The following PPP1R14A variants were observed in gnomAD, a reference collection of about 807,000 sequenced individuals.
PPP1R14A encodes protein phosphatase 1 regulatory inhibitor subunit 14A, also known as protein phosphatase 1 regulatory subunit 14A.
Under a neutral mutation model 14.1 loss-of-function variants are expected in PPP1R14A, and 9 were observed. The ratio of observed to expected loss-of-function variants is 0.64; its 90% CI spans 0.38 to 1.11. PPP1R14A has a LOEUF of 1.11. Among genes scored for constraint, PPP1R14A ranks in the 50% most tolerant of loss-of-function variants. PPP1R14A has a pLI of 0.01. For missense variants in PPP1R14A, 208 were observed against 200.7 expected (o/e 1.04, Z -0.22); for synonymous variants, 93 against 88.7 (o/e 1.05, Z -0.27).
intron 1 of PPP1R14A, 32 bp from the exon 2 acceptor site, chr19:38,253,006 C>T (rs770898943): frequency 2.0e-6 from 3 of 1,514,172 alleles, no homozygotes; most frequent in East Asian, 4.5e-5. Flanking sequence ...TGCTTAGGAT[C>T]CCCTTCCCTC....
At position 38,251,337 on chromosome 19, in the gene PPP1R14A, G is replaced by A. The variant is rs1555713440; in HGVS notation, c.425C>T (p.Ala142Val). The change falls in exon 4 of 4, where the codon GCC (alanine) becomes GTC (valine). Residue 142 changes from alanine (A) to valine (V), a missense_variant. Physicochemically the swap from Ala to Val is moderately conservative, Grantham distance 64. Coordinates refer to ENST00000301242, the MANE Select transcript of PPP1R14A (RefSeq NM_033256.3). The part of the protein sequence containing the change: ...DGSLSPLQDR[A>V]RTAHP ...AGAGGGTCAGGGGTGAGCAGTCCGGGCCCGGTCCTGGAGGGGGCTGAGGCT... is the reference window on the plus strand; with the variant it reads ...AGAGGGTCAGGGGTGAGCAGTCCGGACCCGGTCCTGGAGGGGGCTGAGGCT... 6.6e-7 allele frequency: 1 copy of A among 1,525,928 alleles called. No individual in the cohort carries two copies. Among genetic ancestry groups the A allele is most frequent in the Non-Finnish European group, 8.7e-7 (1 of 1,149,154 alleles). The allele number at this position is 1,525,928 out of a possible 1,614,324, so 94.5% of individuals were successfully genotyped here.
chr19:38,253,122 A>C, intron 1 of PPP1R14A, 148 bp from the exon 2 acceptor site: 131 of 560,430 alleles, frequency 2.3e-4, no homozygotes, highest in East Asian at 5.9e-4. Flanking sequence ...CACTGCCAAG[A>C]CGGGACATCT....
Position 38,252,126 on chromosome 19 carries a change from G to A in PPP1R14A, c.315+180C>T. On this transcript the variant is annotated intron_variant, in intron 3 of 3. Transcript: ENST00000301242. This position sits in a 1 kb window ranked among gnomAD's most constrained non-coding sequence, Gnocchi z 4.1. ...AGCAGATGGGGGAGAGAGGGAGAGA[G>A]ACAAGTAGGAGGACAAAAGACACCC... 1.6e-6 allele frequency: 1 copy of A among 617,488 alleles called. No homozygotes were observed. Among genetic ancestry groups the A allele is most frequent in the Non-Finnish European group, 2.9e-6 (1 of 349,124 alleles). 38.3% of individuals were successfully genotyped at this position (617,488 alleles called of 1,614,324 possible).
chr19:38,252,155 G>A lies in PPP1R14A; in HGVS notation c.315+151C>T. On this transcript the variant is annotated intron_variant, in intron 3 of 3. Coordinates refer to ENST00000301242, the MANE Select transcript of PPP1R14A (RefSeq NM_033256.3). This position sits in a 1 kb window ranked among gnomAD's most constrained non-coding sequence, Gnocchi z 4.1. ...AGTAGGAGGACAAAAGACACCCCTG[G>A]AGACCAGAAAGAGCTGCGGAGGGCA... The A allele has an allele frequency of 1.5e-6, 1 of 685,942 alleles. No individual in the cohort carries two copies. The highest frequency in any genetic ancestry group is 2.6e-6 in the Non-Finnish European group (1 of 390,978). The allele number at this position is 685,942 out of a possible 1,614,324, so 42.5% of individuals were successfully genotyped here. A position where few individuals can be genotyped will look rare whatever the true frequency, so the allele number is the denominator to read the frequency against.
chr19:38,254,789 T>TTTTGTTTG (rs887209723), intron 1 of PPP1R14A, among the ~76,000 whole-genome samples: 35 of 152,090 alleles, frequency 2.3e-4, no homozygotes, highest in Non-Finnish European at 7.4e-5. Context: ...GCTTACAGTT[T>TTTTGTTTG]TTTGTTTGTT....
intron 1 of PPP1R14A, among the ~76,000 whole-genome samples, chr19:38,255,774 CCT>C (rs1365666195): frequency 1.3e-5 from 2 of 152,114 alleles, no homozygotes; most frequent in Non-Finnish European, 2.9e-5. Flanking sequence ...CTGTATCTCC[CCT>C]GTCACCATGT....
rs1305756281 is a variant in PPP1R14A, at chr19:38,252,635, C to T, written c.282+259G>A. Among the ~76,000 whole-genome samples, 1 of 152,118 alleles carries T rather than the reference C, an allele frequency of 6.6e-6. No individual in the cohort carries two copies. Among genetic ancestry groups the T allele is most frequent in the Non-Finnish European group, 1.5e-5 (1 of 68,030 alleles). ...GCTGCCAAACTGCCTGGGTTCGATG[C>T]CCAGCTCTGCTCCTTCTGAGCTGTG... On this transcript the variant is annotated intron_variant, in intron 2 of 3. Coordinates refer to ENST00000301242, the MANE Select transcript of PPP1R14A (RefSeq NM_033256.3). The surrounding 1 kb of genome is among the most constrained non-coding windows in gnomAD (Gnocchi z 4.1).
chr19:38,251,524 C>G, intron 3 of PPP1R14A, 78 bp from the exon 4 acceptor site: 1 of 1,385,502 alleles, frequency 7.2e-7, no homozygotes, highest in Non-Finnish European at 9.5e-7. Flanking sequence ...CAGTCCCTGA[C>G]CTGGGCGCCT....
In PPP1R14A at chr19:38,256,184, C is replaced by A. The variant is rs1216008372; in HGVS notation, c.156G>T (p.Val52=). The A allele has an allele frequency of 6.5e-7, 1 of 1,548,250 alleles. No homozygotes were observed. Among genetic ancestry groups the A allele is most frequent in the Non-Finnish European group, 8.7e-7 (1 of 1,151,044 alleles). The change falls in exon 1 of 4, where the codon GTG becomes GTT. Residue 52 remains valine (V), a synonymous_variant. Transcript: ENST00000301242. This position sits in a 1 kb window ranked among gnomAD's most constrained non-coding sequence, Gnocchi z 5.7. ...DRRELQRRLD[V]EKWIDGRLEE... is the part of the protein sequence containing the mutation. The stretch of plus-strand genomic sequence containing the variant: ...CCAGGCGCCCGTCGATCCACTTCTC[C>A]ACGTCCAGCCGCCGCTGCAGCTCCC...
In PPP1R14A at chr19:38,256,156, C is replaced by T; in HGVS notation, c.184G>A (p.Glu62Lys). 1 of 1,548,150 alleles carries T rather than the reference C, an allele frequency of 6.5e-7. No individual in the cohort carries two copies. Among genetic ancestry groups the T allele is most frequent in the South Asian group, 1.2e-5 (1 of 84,554 alleles). ...VEKWIDGRLE[E>K]LYRGMEADMP... ...GGGCTCACCATGCCGCGGTACAGCT[C>T]CTCCAGGCGCCCGTCGATCCACTTC... Residue 62 changes from glutamate (E) to lysine (K), a missense_variant, in exon 1 of 4, where the codon GAG becomes AAG. Transcript: ENST00000301242. This position sits in a 1 kb window ranked among gnomAD's most constrained non-coding sequence, Gnocchi z 5.7.
At position 38,256,215 on chromosome 19, in the gene PPP1R14A, T is replaced by C; in HGVS notation, c.125A>G (p.Asp42Gly). The C allele has an allele frequency of 6.4e-7, 1 of 1,555,594 alleles. No individual in the cohort carries two copies. The highest frequency in any genetic ancestry group is 8.7e-7 in the Non-Finnish European group (1 of 1,154,480). ...CAGCCGCCGCTGCAGCTCCCGCCGG[T>C]CATACTTGACGGTGACGCGCGCGTG... is the stretch of plus-strand genomic sequence containing the variant. The part of the protein sequence containing the change: ...KRHARVTVKY[D>G]RRELQRRLDV... The change falls in exon 1 of 4, where the codon GAC becomes GGC. Residue 42 changes from aspartate to glycine, a missense_variant. Coordinates refer to ENST00000301242, the MANE Select transcript of PPP1R14A (RefSeq NM_033256.3). The surrounding 1 kb of genome is among the most constrained non-coding windows in gnomAD (Gnocchi z 5.7).
intron 1 of PPP1R14A, among the ~76,000 whole-genome samples, chr19:38,255,051 T>C (rs1410307763): frequency 6.6e-6 from 1 of 152,242 alleles, no homozygotes; most frequent in Non-Finnish European, 1.5e-5. Context: ...CCCAAAGTGC[T>C]GGGATTACAG....
At chr19:38,254,818 A>C (rs1337738323) in intron 1 of PPP1R14A, among the ~76,000 whole-genome samples, 1 of 151,874 alleles carries the variant, frequency 6.6e-6, no homozygotes, top group Non-Finnish European at 1.5e-5. Flanking sequence ...TTTGAGACGG[A>C]GTTTCGCTCT....
At chr19:38,253,843 C>T (rs749435310) in intron 1 of PPP1R14A, among the ~76,000 whole-genome samples, 1 of 152,180 alleles carries the variant, frequency 6.6e-6, no homozygotes, top group Non-Finnish European at 1.5e-5. Flanking sequence ...ATGCCAAGGG[C>T]CTGGGGCTGG....
Position 38,252,891 on chromosome 19 carries a change from T to G in PPP1R14A, c.282+3A>C. On this transcript the variant is annotated splice_donor_region_variant and intron_variant, in intron 2 of 3. Coordinates refer to ENST00000301242, the MANE Select transcript of PPP1R14A (RefSeq NM_033256.3). The surrounding 1 kb of genome is among the most constrained non-coding windows in gnomAD (Gnocchi z 4.1). ...AGGCTGGGGGACACGTCCCCCCACC[T>G]ACCTGGATTTTCCGGCTTCTCTCCT... The G allele has an allele frequency of 6.2e-7, 1 of 1,611,022 alleles. No homozygotes were observed. The highest frequency in any genetic ancestry group is 8.5e-7 in the Non-Finnish European group (1 of 1,177,160).
At chr19:38,254,461 T>A (rs546270137) in intron 1 of PPP1R14A, among the ~76,000 whole-genome samples, 1 of 151,696 alleles carries the variant, frequency 6.6e-6, no homozygotes, top group South Asian at 2.1e-4. Context: ...CCTGCCACCA[T>A]GCCCGGCTAA....
chr19:38,252,107 T>G lies in PPP1R14A; in HGVS notation c.315+199A>C, dbSNP rs1045759519. The G allele has an allele frequency of 1.7e-6, 1 of 596,132 alleles. No individual in the cohort carries two copies. Among genetic ancestry groups the G allele is most frequent in the African/African-American group, 2.0e-5 (1 of 50,646 alleles). 36.9% of individuals were successfully genotyped at this position (596,132 alleles called of 1,614,324 possible). A position where few individuals can be genotyped will look rare whatever the true frequency, so the allele number is the denominator to read the frequency against. ...GACAGAATGGAGCCCCCTCAGCAGA[T>G]GGGGGAGAGAGGGAGAGAGACAAGT... is the stretch of plus-strand genomic sequence containing the variant. On this transcript the variant is annotated intron_variant, in intron 3 of 3. Transcript: ENST00000301242. The surrounding 1 kb of genome is among the most constrained non-coding windows in gnomAD (Gnocchi z 4.1).
chr19:38,252,848 A>T lies in PPP1R14A; in HGVS notation c.282+46T>A. 7.5e-7 allele frequency: 1 copy of T among 1,341,294 alleles called. No homozygotes were observed. Among genetic ancestry groups the T allele is most frequent in the Non-Finnish European group, 1.1e-6 (1 of 931,516 alleles). 83.1% of individuals were successfully genotyped at this position (1,341,294 alleles called of 1,614,324 possible). A position where few individuals can be genotyped will look rare whatever the true frequency, so the allele number is the denominator to read the frequency against. ...CACGTGAACTATTGCTATTATTTTT[A>T]GGGAGGTGCAAAGTGGGAGGCTGGG... On this transcript the variant is annotated intron_variant, in intron 2 of 3. Transcript: ENST00000301242. This position sits in a 1 kb window ranked among gnomAD's most constrained non-coding sequence, Gnocchi z 4.1.
Position 38,252,295 on chromosome 19 carries a change from A to G in PPP1R14A, c.315+11T>C. 1 of 1,611,084 alleles carries G rather than the reference A, an allele frequency of 6.2e-7. No homozygotes were observed. Among genetic ancestry groups the G allele is most frequent in the Non-Finnish European group, 8.5e-7 (1 of 1,178,632 alleles). On this transcript the variant is annotated intron_variant, in intron 3 of 3. Coordinates refer to ENST00000301242, the MANE Select transcript of PPP1R14A (RefSeq NM_033256.3). This position sits in a 1 kb window ranked among gnomAD's most constrained non-coding sequence, Gnocchi z 4.1. ...CCAGAACAGGGAGAGAATGAGGGAG[A>G]GAAAACTCACCTCGACAGGTTTCCC...
Sources: allele counts gnomAD v4.1 joint callset (sites outside exome capture counted in the v4.1 genomes callset), GRCh38; gene constraint gnomAD v4.1.1; non-coding constraint Gnocchi (gnomAD v3.1); transcripts MANE v1.5; gene names NCBI Gene and HGNC (gene_info 2026-07-23, HGNC 2026-07-21).